NOS1AP: variants seen among roughly 807,000 people sequenced by gnomAD.
NOS1AP encodes carboxyl-terminal PDZ ligand of neuronal nitric oxide synthase protein.
Under a neutral mutation model 56.2 loss-of-function variants are expected in NOS1AP, and 21 were observed. The ratio of observed to expected loss-of-function variants is 0.37; its 90% confidence interval spans 0.26 to 0.54. The LOEUF (loss-of-function observed/expected upper bound fraction) is 0.54. Among genes scored for constraint, NOS1AP ranks in the 20% least tolerant of loss-of-function variants. NOS1AP has a pLI of 0.84. For synonymous variants in NOS1AP, 270 were observed against 274.6 expected (o/e 0.98, Z 0.17); for missense variants, 522 against 657.8 (o/e 0.79, Z 2.26).
At chr1:162,274,879 T>C (rs1040880156) in intron 2 of NOS1AP, among the ~76,000 whole-genome samples, 3 of 152,234 alleles carry the variant, frequency 2.0e-5, no homozygotes, top group African/African-American at 7.2e-5. Flanking sequence ...CAAGTGTCCA[T>C]TTGAGTCATT....
rs149818243 is a variant in NOS1AP, at chr1:162,200,381, G to A, written c.177+45905G>A. On this transcript the variant is annotated intron_variant, in intron 2 of 9. Transcript: ENST00000361897. Reference sequence around the variant, plus strand: ...GCATCTCTCTTCACTTCCCAAAAGTGCATTTTCTGAGACATGGAGAAGTGC... The same window carrying A: ...GCATCTCTCTTCACTTCCCAAAAGTACATTTTCTGAGACATGGAGAAGTGC... 1.0e-3 allele frequency among the ~76,000 whole-genome samples: 153 copies of A among 152,322 alleles called. 1 individual carries two copies. In the East Asian group the frequency reaches 0.022, roughly 22 times the overall value.
chr1:162,314,838 C>T (rs1656180160), intron 4 of NOS1AP, among the ~76,000 whole-genome samples: 1 of 152,202 alleles, frequency 6.6e-6, no homozygotes, highest in Non-Finnish European at 1.5e-5. Flanking sequence ...TGTTGAACAT[C>T]ATCTTTGAAT....
chr1:162,106,397 C>T (rs557559081), intron 1 of NOS1AP, among the ~76,000 whole-genome samples: 12 of 152,184 alleles, frequency 7.9e-5, no homozygotes, highest in East Asian at 1.9e-4. Context: ...CTGAGCACCA[C>T]GGACTGGAGC....
intron 1 of NOS1AP, among the ~76,000 whole-genome samples, chr1:162,136,462 G>A (rs1649009832): frequency 6.6e-6 from 1 of 152,124 alleles, no homozygotes. Flanking sequence ...TCTTTATGGA[G>A]CTTCAGTCTT....
At chr1:162,267,218 A>G (rs1654451355) in intron 2 of NOS1AP, among the ~76,000 whole-genome samples, 1 of 152,202 alleles carries the variant, frequency 6.6e-6, no homozygotes. Flanking sequence ...ATAATTATCT[A>G]TCTCCAAACT....
At chr1:162,339,901 C>T (rs1157682933) in intron 5 of NOS1AP, among the ~76,000 whole-genome samples, 3 of 152,140 alleles carry the variant, frequency 2.0e-5, no homozygotes, top group Non-Finnish European at 2.9e-5. Flanking sequence ...ACCTCCCTAA[C>T]GAGGTCCCCA....
intron 2 of NOS1AP, among the ~76,000 whole-genome samples, chr1:162,285,061 C>T (rs935169172): frequency 2.0e-5 from 3 of 152,112 alleles, no homozygotes; most frequent in Non-Finnish European, 4.4e-5. Context: ...GTATATGGGG[C>T]ATATGAAAGT....
intron 2 of NOS1AP, among the ~76,000 whole-genome samples, chr1:162,192,731 A>G (rs1437897492): frequency 6.6e-6 from 1 of 152,174 alleles, no homozygotes; most frequent in South Asian, 2.1e-4. Flanking sequence ...AATTTAATCT[A>G]CCTGTAGTCA....
intron 6 of NOS1AP, among the ~76,000 whole-genome samples, chr1:162,352,370 C>T (rs1335925284): frequency 6.6e-6 from 1 of 151,884 alleles, no homozygotes; most frequent in Non-Finnish European, 1.5e-5. Context: ...GCAGGCTCCT[C>T]TTCTACCTAC....
intron 2 of NOS1AP, among the ~76,000 whole-genome samples, chr1:162,264,287 CCT>C (rs1654328723): frequency 6.6e-6 from 1 of 152,092 alleles, no homozygotes; most frequent in Non-Finnish European, 1.5e-5. Flanking sequence ...CATTGTCTTT[CCT>C]GGGGTCATGC....
chr1:162,120,114 A>ATGTATATGATATATACACATGTATG (rs1558108083), intron 1 of NOS1AP, among the ~76,000 whole-genome samples: 2 of 100,390 alleles, frequency 2.0e-5, no homozygotes, highest in African/African-American at 3.4e-5. Context: ...ACACATGTAT[A>ATGTATATGATATATACACATGTATG]TGTATATGAT....
chr1:162,198,807 A>G (rs531688397), intron 2 of NOS1AP, among the ~76,000 whole-genome samples: 1 of 152,266 alleles, frequency 6.6e-6, no homozygotes, highest in South Asian at 2.1e-4. Flanking sequence ...GCCTGCCTCC[A>G]GAGCTTAGGA....
At chr1:162,318,704 C>G (rs961651866) in intron 4 of NOS1AP, among the ~76,000 whole-genome samples, 2 of 152,068 alleles carry the variant, frequency 1.3e-5, no homozygotes, top group Admixed American at 1.3e-4. Context: ...CAACCACCCT[C>G]TAAATCCCAG....
At chr1:162,138,733 G>C (rs755536388) in intron 1 of NOS1AP, among the ~76,000 whole-genome samples, 1 of 152,190 alleles carries the variant, frequency 6.6e-6, no homozygotes, top group Non-Finnish European at 1.5e-5. Context: ...CTCTAAGAGA[G>C]GTCATGTGCT....
intron 1 of NOS1AP, among the ~76,000 whole-genome samples, chr1:162,071,727 G>A (rs76850990): frequency 0.058 from 8,857 of 152,110 alleles, 423 homozygotes; most frequent in East Asian, 0.18. Flanking sequence ...GTTAATTTTT[G>A]CCCAGGCCTG....
At chr1:162,234,888 CAA>C (rs1392210503) in intron 2 of NOS1AP, among the ~76,000 whole-genome samples, 6 of 152,248 alleles carry the variant, frequency 3.9e-5, no homozygotes, top group African/African-American at 1.4e-4. Flanking sequence ...TGGAGTTCTG[CAA>C]ACTATACCCT....
rs1486356363 is a variant in NOS1AP, at chr1:162,099,608, T to G, written c.105+29326T>G. On this transcript the variant is annotated intron_variant, in intron 1 of 9. Transcript: ENST00000361897. ...AGCTTTTTTATTTTCATATGATTAT[T>G]GGCTGCATGTATGTTTTCTTTTTTT... is the stretch of plus-strand genomic sequence containing the variant. Among the ~76,000 whole-genome samples, 3 of 148,328 alleles carry G rather than the reference T, an allele frequency of 2.0e-5. No homozygotes were observed. The East Asian group carries it at 6.0e-4, about 30-fold the overall frequency.
rs560236826 is a variant in NOS1AP at position 162,144,527 on chromosome 1, C to G, written c.106-9878C>G. On this transcript the variant is annotated intron_variant, in intron 1 of 9. Transcript: ENST00000361897. ...GGTGATGATTTTAATGATCATACAGCCTTTGTTAGTGTATCCCTTTGCCTC... is the reference window on the plus strand; with the variant it reads ...GGTGATGATTTTAATGATCATACAGGCTTTGTTAGTGTATCCCTTTGCCTC... 3.9e-5 allele frequency among the ~76,000 whole-genome samples: 6 copies of G among 152,164 alleles called. No homozygotes were observed. In the Middle Eastern group the frequency reaches 0.014, roughly 345 times the overall value.
rs552679946 is a variant in NOS1AP, at chr1:162,252,837, C to T, written c.178-34507C>T. On this transcript the variant is annotated intron_variant, in intron 2 of 9. Coordinates refer to ENST00000361897, the MANE Select transcript of NOS1AP (RefSeq NM_014697.3). ...AAAATAAAATTCAGTTTTTTGGTTG[C>T]ACTTGCCCCATTTCAAGTGCCCAGA... Among the ~76,000 whole-genome samples, 24 of 152,232 alleles carry T rather than the reference C, an allele frequency of 1.6e-4. No individual in the cohort carries two copies. In the South Asian group the frequency reaches 5.0e-3, roughly 32 times the overall value.
Sources: allele counts gnomAD v4.1 joint callset (sites outside exome capture counted in the v4.1 genomes callset), GRCh38; gene constraint gnomAD v4.1.1; transcripts MANE v1.5; gene names NCBI Gene and HGNC (gene_info 2026-07-23, HGNC 2026-07-21).